The following CTNNA3 variants were observed in gnomAD, a reference collection of about 807,000 sequenced individuals.
The protein encoded by CTNNA3 is catenin alpha-3.
CTNNA3 carries 76 observed loss-of-function variants against 95.7 expected under a neutral mutation model. The ratio of observed to expected loss-of-function variants is 0.79; its 90% CI spans 0.66 to 0.96. CTNNA3 has a LOEUF of 0.96. CTNNA3 is among the 40% of genes least tolerant of loss of function. CTNNA3 has a pLI of 0.00. For missense variants in CTNNA3, 1,191 were observed against 1,089.8 expected (o/e 1.09, Z -1.31); for synonymous variants, 431 against 374.4 (o/e 1.15, Z -1.74).
intron 5 of CTNNA3, among the ~76,000 whole-genome samples, chr10:67,280,766 A>C (rs1196967775): frequency 6.6e-6 from 1 of 152,076 alleles, no homozygotes; most frequent in Non-Finnish European, 1.5e-5. Flanking sequence ...AATTTCCCTA[A>C]AAATCATTTA....
intron 13 of CTNNA3, among the ~76,000 whole-genome samples, chr10:66,163,998 A>G (rs2084990576): frequency 6.6e-6 from 1 of 152,204 alleles, no homozygotes; most frequent in African/African-American, 2.4e-5. Context: ...AACAATTAAA[A>G]GCAACATGGG....
intron 9 of CTNNA3, among the ~76,000 whole-genome samples, chr10:66,631,324 G>A (rs185585064): frequency 6.6e-6 from 1 of 152,232 alleles, no homozygotes; most frequent in East Asian, 1.9e-4. Flanking sequence ...ATTAGACAAA[G>A]GAGAAGAGCT....
At chr10:67,186,073 ATGTACT>A (rs1862833582) in intron 6 of CTNNA3, among the ~76,000 whole-genome samples, 1 of 152,088 alleles carries the variant, frequency 6.6e-6, no homozygotes. Flanking sequence ...CTTTTTGGAA[ATGTACT>A]TCCAGTGTGG....
chr10:67,624,976 C>G (rs1843981134), intron 2 of CTNNA3, among the ~76,000 whole-genome samples: 1 of 152,126 alleles, frequency 6.6e-6, no homozygotes, highest in Non-Finnish European at 1.5e-5. Flanking sequence ...CTCTGTCTTT[C>G]TGTGAAGAGT....
chr10:66,610,333 A>G (rs966749970), intron 10 of CTNNA3, among the ~76,000 whole-genome samples: 9 of 152,108 alleles, frequency 5.9e-5, no homozygotes, highest in African/African-American at 2.2e-4. Flanking sequence ...CCTGAACTTA[A>G]AAGTTTTTTT....
intron 9 of CTNNA3, among the ~76,000 whole-genome samples, chr10:66,739,287 G>A (rs189853383): frequency 7.0e-4 from 107 of 152,248 alleles, no homozygotes; most frequent in African/African-American, 2.3e-3. Flanking sequence ...CTCCCAGACC[G>A]TCTAATTTAA....
chr10:67,459,974 A>T (rs1426855285), intron 5 of CTNNA3, among the ~76,000 whole-genome samples: 1 of 152,088 alleles, frequency 6.6e-6, no homozygotes, highest in Non-Finnish European at 1.5e-5. Context: ...CTTTTCTCAC[A>T]TTGTTATCGT....
chr10:67,715,945 G>GT lies in CTNNA3; in HGVS notation c.-2+47488dup, dbSNP rs757677592. ...GCAAATGCTTACAATGTTCTGAGTT[G>GT]TAAGATCCCTTTTCATATACCCTTA... On this transcript the variant is annotated intron_variant, in intron 1 of 17. Coordinates refer to the CTNNA3 transcript ENST00000684154. Among the ~76,000 whole-genome samples the GT allele has an allele frequency of 3.3e-5, 5 of 152,192 alleles. No homozygotes were observed. In the East Asian group the frequency reaches 9.6e-4, roughly 29 times the overall value.
chr10:66,547,265 T>C (rs930555842), intron 10 of CTNNA3, among the ~76,000 whole-genome samples: 1 of 151,826 alleles, frequency 6.6e-6, no homozygotes, highest in Non-Finnish European at 1.5e-5. Context: ...AAATAAAATA[T>C]TGGATAGACA....
chr10:66,840,653 C>T (rs182803432), intron 7 of CTNNA3, among the ~76,000 whole-genome samples: 25 of 152,074 alleles, frequency 1.6e-4, no homozygotes, highest in Admixed American at 3.9e-4. Context: ...TACATGAATT[C>T]GAAATTCTAA....
chr10:65,981,511 T>C lies in CTNNA3; in HGVS notation c.2265+7181A>G, dbSNP rs950793693. Among the ~76,000 whole-genome samples the C allele has an allele frequency of 2.6e-5, 4 of 151,818 alleles. No individual in the cohort carries two copies. The East Asian group carries it at 5.8e-4, about 22-fold the overall frequency. ...AGAAAAAACAATCCTAAGATTCATA[T>C]AGAACCAAAAAAGAGCCCGTATAGC... On this transcript the variant is annotated intron_variant, in intron 16 of 17. Coordinates refer to ENST00000433211, the MANE Select transcript of CTNNA3 (RefSeq NM_013266.4).
chr10:66,815,973 T>C (rs1056336935), intron 7 of CTNNA3, among the ~76,000 whole-genome samples: 5 of 152,184 alleles, frequency 3.3e-5, no homozygotes, highest in Non-Finnish European at 5.9e-5. Flanking sequence ...TATATTTTTG[T>C]TTGTAACTAA....
intron 13 of CTNNA3, among the ~76,000 whole-genome samples, chr10:66,276,861 A>T (rs1337290644): frequency 6.6e-6 from 1 of 152,078 alleles, no homozygotes; most frequent in African/African-American, 2.4e-5. Context: ...AACTCATGTA[A>T]GCATAATAAT....
chr10:66,357,803 T>C (rs1302574034), intron 12 of CTNNA3, among the ~76,000 whole-genome samples: 1 of 152,192 alleles, frequency 6.6e-6, no homozygotes, highest in Non-Finnish European at 1.5e-5. Flanking sequence ...CTCTCTTAGG[T>C]ATACAGATAG....
At chr10:67,214,984 G>A (rs771406030) in intron 6 of CTNNA3, among the ~76,000 whole-genome samples, 3 of 151,960 alleles carry the variant, frequency 2.0e-5, no homozygotes, top group Non-Finnish European at 4.4e-5. Context: ...ACTTCCATCA[G>A]TTCTAGGAAA....
At chr10:67,374,303 CAG>C (rs1216508958) in intron 5 of CTNNA3, among the ~76,000 whole-genome samples, 2 of 152,110 alleles carry the variant, frequency 1.3e-5, no homozygotes, top group African/African-American at 4.8e-5. Context: ...GGTAGCCAGC[CAG>C]ATTTGGTCCA....
At chr10:67,644,707 A>C (rs1036372274) in intron 2 of CTNNA3, among the ~76,000 whole-genome samples, 2 of 151,980 alleles carry the variant, frequency 1.3e-5, no homozygotes, top group African/African-American at 4.8e-5. Context: ...AATTTAGTTA[A>C]ATAGAATTCT....
chr10:66,817,433 C>T (rs1842133292), intron 7 of CTNNA3, among the ~76,000 whole-genome samples: 1 of 151,598 alleles, frequency 6.6e-6, no homozygotes, highest in South Asian at 2.1e-4. Flanking sequence ...TGGCCAACAA[C>T]AAAAAAGAGA....
intron 15 of CTNNA3, among the ~76,000 whole-genome samples, chr10:66,045,081 T>C (rs2079801290): frequency 6.6e-6 from 1 of 152,166 alleles, no homozygotes. Context: ...CATGGTACTT[T>C]TATATATGCC....
Sources: gnomAD v4.1 joint callset for allele counts (sites outside exome capture counted in the v4.1 genomes callset) on GRCh38, gnomAD v4.1.1 for gene constraint, MANE v1.5 for transcripts, NCBI Gene and HGNC (gene_info 2026-07-23, HGNC 2026-07-21) for gene names.